ENTREP1: variants seen among roughly 807,000 people sequenced by gnomAD.
ENTREP1 encodes Friedreich ataxia region gene X123.
the ENTREP1 span, among the ~76,000 whole-genome samples, chr9:69,352,020 A>G: frequency 2.0e-5 from 3 of 152,232 alleles, no homozygotes; most frequent in Admixed American, 6.5e-5. Flanking sequence ...TATTACATAT[A>G]TTTAACATTT....
At chr9:69,375,369 T>C in the ENTREP1 span, among the ~76,000 whole-genome samples, 1 of 152,144 alleles carries the variant, frequency 6.6e-6, no homozygotes, top group Non-Finnish European at 1.5e-5. Flanking sequence ...GAAAAAAAAG[T>C]GAGTTTGGTT....
chr9:69,389,321 A>G, the ENTREP1 span, among the ~76,000 whole-genome samples: 2 of 152,348 alleles, frequency 1.3e-5, no homozygotes, highest in South Asian at 4.1e-4. Context: ...TACCAACTTC[A>G]GGATGTAGGT....
At chr9:69,388,449 A>G in the ENTREP1 span, 1 of 1,583,700 alleles carries the variant, frequency 6.3e-7, no homozygotes, top group Non-Finnish European at 8.6e-7. Flanking sequence ...TTTCTAGAAC[A>G]GGTAGTTTTA....
At chr9:69,380,402 CT>C in the ENTREP1 span, 1 of 152,210 alleles carries the variant, frequency 6.6e-6, no homozygotes, top group Non-Finnish European at 1.5e-5. Flanking sequence ...ATGATTGTTA[CT>C]ATTTTATGAC....
At chr9:69,324,708 C>T in the ENTREP1 span, 2 of 983,716 alleles carry the variant, frequency 2.0e-6, no homozygotes, top group Non-Finnish European at 2.4e-6. Flanking sequence ...TACACCTCTT[C>T]CCATCGAGTC....
the ENTREP1 span, among the ~76,000 whole-genome samples, chr9:69,350,682 G>T: frequency 6.6e-6 from 1 of 152,056 alleles, no homozygotes; most frequent in Non-Finnish European, 1.5e-5. Flanking sequence ...GCTCTCTCAG[G>T]GTTTGAATAC....
the ENTREP1 span, chr9:69,324,910 C>CG: frequency 1.0e-6 from 1 of 985,112 alleles, no homozygotes; most frequent in Non-Finnish European, 1.2e-6. Context: ...GTGTCCTGGC[C>CG]GTGAGGTGCC....
At chr9:69,380,551 G>C in the ENTREP1 span, 3 of 152,160 alleles carry the variant, frequency 2.0e-5, no homozygotes, top group South Asian at 6.2e-4. Context: ...AAGGCTTCTC[G>C]AGTTACTGTC....
At chr9:69,391,477 C>T in the ENTREP1 span, 2 of 692,080 alleles carry the variant, frequency 2.9e-6, no homozygotes, top group Non-Finnish European at 4.7e-6. Context: ...GGGAAAATGC[C>T]TTTTTTTTTT....
the ENTREP1 span, among the ~76,000 whole-genome samples, chr9:69,337,416 G>A: frequency 6.6e-6 from 1 of 152,110 alleles, no homozygotes; most frequent in South Asian, 2.1e-4. Context: ...GCATAGATTT[G>A]CTATATTATC....
chr9:69,357,780 A>G, the ENTREP1 span, among the ~76,000 whole-genome samples: 2 of 152,184 alleles, frequency 1.3e-5, no homozygotes, highest in Admixed American at 1.3e-4. Flanking sequence ...CAATCCAAGC[A>G]TTCGTTTTGC....
chr9:69,367,091 ATTTTTTT>A, the ENTREP1 span, among the ~76,000 whole-genome samples: 11 of 105,736 alleles, frequency 1.0e-4, no homozygotes, highest in South Asian at 3.3e-4. Context: ...TAATTAAACA[ATTTTTTT>A]TTTTTTTTTT....
At chr9:69,360,675 A>G in the ENTREP1 span, among the ~76,000 whole-genome samples, 1 of 152,132 alleles carries the variant, frequency 6.6e-6, no homozygotes, top group South Asian at 2.1e-4. Flanking sequence ...CTCTATCTGG[A>G]CTGGCTTCCC....
the ENTREP1 span, among the ~76,000 whole-genome samples, chr9:69,359,185 C>T: frequency 3.9e-5 from 6 of 152,216 alleles, no homozygotes; most frequent in Admixed American, 1.3e-4. Flanking sequence ...GGATTACAGA[C>T]GTGAGCCACT....
the ENTREP1 span, among the ~76,000 whole-genome samples, chr9:69,375,540 T>C: frequency 6.6e-6 from 1 of 152,162 alleles, no homozygotes; most frequent in Non-Finnish European, 1.5e-5. Context: ...TAAAATTCCC[T>C]TTGTTTTGTG....
chr9:69,372,230 T>G, the ENTREP1 span, among the ~76,000 whole-genome samples: 1 of 152,200 alleles, frequency 6.6e-6, no homozygotes, highest in South Asian at 2.1e-4. Context: ...ATCTTAACCA[T>G]TTTTAAGTCT....
the ENTREP1 span, among the ~76,000 whole-genome samples, chr9:69,361,787 T>A: frequency 7.3e-4 from 111 of 152,292 alleles, 4 homozygotes; most frequent in East Asian, 0.019. Flanking sequence ...TCTGAACATC[T>A]GGGGATTCTG....
At chr9:69,343,534 T>G in the ENTREP1 span, among the ~76,000 whole-genome samples, 3 of 152,176 alleles carry the variant, frequency 2.0e-5, no homozygotes. Flanking sequence ...TTGATCTCCC[T>G]GGCTCAGGTG....
chr9:69,362,966 T>C, the ENTREP1 span, among the ~76,000 whole-genome samples: 1 of 152,182 alleles, frequency 6.6e-6, no homozygotes, highest in African/African-American at 2.4e-5. Flanking sequence ...GAGTTAATAC[T>C]ACTTAATAAA....
Sources: gnomAD v4.1 joint callset for allele counts (sites outside exome capture counted in the v4.1 genomes callset) on GRCh38, gnomAD v4.1.1 for gene constraint, MANE v1.5 for transcripts, NCBI Gene and HGNC (gene_info 2026-07-23, HGNC 2026-07-21) for gene names.